The following PCDHGA1 variants were observed in gnomAD, a reference collection of about 807,000 sequenced individuals.
PCDHGA1 encodes protocadherin gamma-A1.
A neutral mutation model predicts 58.0 loss-of-function variants in PCDHGA1; 32 were observed. The observed-to-expected ratio is 0.55, with a 90% CI of 0.42 to 0.74. The LOEUF is 0.74. Ranked by LOEUF, PCDHGA1 falls within the 30% of genes least tolerant of loss-of-function variation. The pLI is 0.00. For synonymous variants in PCDHGA1, 498 were observed against 501.1 expected, an observed-to-expected ratio of 0.99 and a Z score of 0.08; for missense variants, 1,205 against 1,182.3, an observed-to-expected ratio of 1.02 and a Z score of -0.28.
chr5:141,356,457 C>T (rs1760227280), intron 1 of PCDHGA1: 1 of 1,613,452 alleles, frequency 6.2e-7, no homozygotes, highest in East Asian at 2.2e-5. Flanking sequence ...CAGAATATAA[C>T]ATCACTGTAA....
intron 1 of PCDHGA1, chr5:141,440,448 A>G (rs2098178859): frequency 6.6e-6 from 1 of 152,168 alleles, no homozygotes; most frequent in East Asian, 1.9e-4. Context: ...CGCCATCTCA[A>G]AAAAAATGAA....
rs1260981096 is a variant in PCDHGA1 at position 141,374,541 on chromosome 5, C to T, written c.2421+41436C>T. On this transcript the variant is annotated intron_variant, in intron 1 of 3. Coordinates refer to ENST00000517417, the MANE Select transcript of PCDHGA1 (RefSeq NM_018912.3). Reference sequence around the variant, plus strand: ...AACGCAGCTCCATCCTCTCGTTTTCCACTAATGGAGGTCTATGACCCTGAT... The same window carrying T: ...AACGCAGCTCCATCCTCTCGTTTTCTACTAATGGAGGTCTATGACCCTGAT... 6.8e-6 allele frequency: 11 copies of T among 1,613,170 alleles called. No individual in the cohort carries two copies. Among genetic ancestry groups the T allele is most frequent in the Non-Finnish European group, 9.3e-6 (11 of 1,179,374 alleles).
At chr5:141,369,703 A>G (rs757750981) in intron 1 of PCDHGA1, among the ~76,000 whole-genome samples, 12 of 152,254 alleles carry the variant, frequency 7.9e-5, no homozygotes, top group Admixed American at 1.3e-4. Flanking sequence ...AAAAGCTATG[A>G]CATTATAACT....
intron 1 of PCDHGA1, chr5:141,371,795 T>C (rs748704102): frequency 1.2e-6 from 2 of 1,613,908 alleles, no homozygotes; most frequent in Non-Finnish European, 1.7e-6. Flanking sequence ...ACAATCCGCC[T>C]GGAGCCTCCA....
At chr5:141,410,807 T>C in intron 1 of PCDHGA1, 1 of 647,592 alleles carries the variant, frequency 1.5e-6, no homozygotes, top group Non-Finnish European at 2.4e-6. Flanking sequence ...CTCTATCTTT[T>C]TGTAAAATAA....
At chr5:141,388,880 G>A (rs1426155590) in intron 1 of PCDHGA1, 1 of 1,613,982 alleles carries the variant, frequency 6.2e-7, no homozygotes, top group Non-Finnish European at 8.5e-7. Flanking sequence ...GCACAGTGGA[G>A]GTAGAAGTCA....
At chr5:141,409,441 G>C (rs1432743588) in intron 1 of PCDHGA1, 1 of 1,613,884 alleles carries the variant, frequency 6.2e-7, no homozygotes, top group East Asian at 2.2e-5. Context: ...TGGACCGAGA[G>C]CAGACACCAG....
rs561648427 is a variant in PCDHGA1, at chr5:141,379,679, T to G, written c.2421+46574T>G. The stretch of plus-strand genomic sequence containing the variant: ...TACTCTCACAAAAGTCATTCACTCA[T>G]GTGGACTGACCAACTGTTAAACATC... On this transcript the variant is annotated intron_variant, in intron 1 of 3. Coordinates refer to ENST00000517417, the MANE Select transcript of PCDHGA1 (RefSeq NM_018912.3). 2.0e-5 allele frequency: 3 copies of G among 152,260 alleles called. No individual in the cohort carries two copies. The South Asian group carries it at 6.2e-4, about 32-fold the overall frequency. The allele number at this position is 152,260 out of a possible 1,614,324, so 9.4% of individuals were successfully genotyped here. A position where few individuals can be genotyped will look rare whatever the true frequency, so the allele number is the denominator to read the frequency against.
intron 1 of PCDHGA1, chr5:141,352,600 T>A: frequency 6.2e-7 from 1 of 1,613,818 alleles, no homozygotes; most frequent in South Asian, 1.1e-5. Flanking sequence ...TGTGTGATGA[T>A]CCTTCTATGG....
intron 1 of PCDHGA1, among the ~76,000 whole-genome samples, chr5:141,467,695 T>C (rs1189395935): frequency 6.6e-6 from 1 of 152,142 alleles, no homozygotes; most frequent in Non-Finnish European, 1.5e-5. Flanking sequence ...AGGGTCTGGC[T>C]CTGTTGCCCA....
chr5:141,390,528 G>T (rs1438036547), intron 1 of PCDHGA1: 1 of 537,820 alleles, frequency 1.9e-6, no homozygotes, highest in Non-Finnish European at 3.3e-6. Context: ...TGAGGGTGTG[G>T]TTTTAACCAC....
intron 1 of PCDHGA1, chr5:141,341,089 C>T: frequency 2.5e-6 from 4 of 1,614,244 alleles, no homozygotes; most frequent in Non-Finnish European, 3.4e-6. Flanking sequence ...TCTTCCTGGC[C>T]TTCGTCATCG....
At chr5:141,444,255 T>G (rs764607115) in intron 1 of PCDHGA1, among the ~76,000 whole-genome samples, 8 of 130,834 alleles carry the variant, frequency 6.1e-5, no homozygotes, top group Non-Finnish European at 1.2e-4. Context: ...CACTGCAACC[T>G]CCGCCTCCCA....
At chr5:141,478,812 A>G (rs952753762) in intron 1 of PCDHGA1, 16 of 1,453,436 alleles carry the variant, frequency 1.1e-5, no homozygotes, top group Non-Finnish European at 1.4e-5. Flanking sequence ...TTGCTATCAC[A>G]ACTAACCAAT....
intron 1 of PCDHGA1, chr5:141,356,801 C>A (rs369350823): frequency 6.2e-7 from 1 of 1,614,040 alleles, no homozygotes; most frequent in Non-Finnish European, 8.5e-7. Flanking sequence ...CTGATGACAG[C>A]CAGTGACAGT....
chr5:141,388,109 C>T, intron 1 of PCDHGA1: 2 of 1,404,160 alleles, frequency 1.4e-6, no homozygotes, highest in Non-Finnish European at 2.0e-6. Context: ...AGCCTTACTT[C>T]ACCGTGAGCG....
Position 141,331,169 on chromosome 5 carries a change from T to G in PCDHGA1, c.485T>G (p.Val162Gly). Residue 162 changes from valine (V) to glycine (G), a missense_variant, in exon 1 of 4, where the codon GTG (valine) becomes GGG (glycine). Val to Gly is a moderately radical substitution (Grantham distance 109). Coordinates refer to ENST00000517417, the MANE Select transcript of PCDHGA1 (RefSeq NM_018912.3). ...TTGCCTTTTGGGCAAGACCTTGATGTGGGTATGAACTCACTCCAGAGCTAC... is the reference window on the plus strand; with the variant it reads ...TTGCCTTTTGGGCAAGACCTTGATGGGGGTATGAACTCACTCCAGAGCTAC... ...VSLPFGQDLD[V>G]GMNSLQSYQL... The G allele has an allele frequency of 1.2e-6, 2 of 1,614,120 alleles. No homozygotes were observed. The highest frequency in any genetic ancestry group is 1.7e-6 in the Non-Finnish European group (2 of 1,180,028).
Position 141,436,164 on chromosome 5 carries a change from A to G in PCDHGA1, c.2422-58643A>G, listed in dbSNP as rs896845015. Among the ~76,000 whole-genome samples, 8 of 152,188 alleles carry G rather than the reference A, an allele frequency of 5.3e-5. No homozygotes were observed. The East Asian group carries it at 1.3e-3, about 26-fold the overall frequency. ...AACTACCAAAATGTTTATCATATGG[A>G]CAGTTCTCATATATAGTCAAATAGA... On this transcript the variant is annotated intron_variant, in intron 1 of 3. Transcript: ENST00000517417.
At position 141,331,450 on chromosome 5, in the gene PCDHGA1, C is replaced by T. The variant is rs375344940; in HGVS notation, c.766C>T (p.Pro256Ser). The T allele has an allele frequency of 6.2e-7, 1 of 1,614,144 alleles. No individual in the cohort carries two copies. The highest frequency in any genetic ancestry group is 1.3e-5 in the African/African-American group (1 of 75,018). ...QYHINVPENV[P>S]LGTQLLMVNA... ...CCATATAAATGTCCCCGAAAACGTG[C>T]CGCTGGGTACTCAGCTGCTCATGGT... Residue 256 changes from proline to serine, a missense_variant, in exon 1 of 4, where the codon CCG becomes TCG. Transcript: ENST00000517417.
Sources: gnomAD v4.1 joint callset for allele counts (sites outside exome capture counted in the v4.1 genomes callset) on GRCh38, gnomAD v4.1.1 for gene constraint, MANE v1.5 for transcripts, NCBI Gene and HGNC (gene_info 2026-07-23, HGNC 2026-07-21) for gene names.